The following HOOK3 variants were observed in gnomAD, a reference collection of about 807,000 sequenced individuals.
HOOK3 encodes protein Hook homolog 3.
Under a neutral mutation model 116.3 loss-of-function variants are expected in HOOK3, and 24 were observed. The observed-to-expected ratio is 0.21, with a 90% CI of 0.15 to 0.29. HOOK3 has a LOEUF of 0.29. Ranked by LOEUF, HOOK3 falls within the 10% of genes least tolerant of loss-of-function variation. The pLI, the probability that HOOK3 is intolerant of heterozygous loss-of-function variation, is 1.00. For missense variants in HOOK3, 632 were observed against 830.2 expected (o/e 0.76, Z 2.93); for synonymous variants, 275 against 283.0 (o/e 0.97, Z 0.28).
chr8:42,949,680 G>A (rs954069426), intron 5 of HOOK3, among the ~76,000 whole-genome samples: 2 of 152,168 alleles, frequency 1.3e-5, no homozygotes, highest in African/African-American at 4.8e-5. Flanking sequence ...AGCACTTTGG[G>A]AGGCCGAGGC....
chr8:42,977,342 T>A (rs975013960), intron 13 of HOOK3, among the ~76,000 whole-genome samples: 7 of 152,150 alleles, frequency 4.6e-5, no homozygotes, highest in African/African-American at 1.2e-4. Context: ...ACTCCCTGTC[T>A]TGCAAATACA....
intron 21 of HOOK3, among the ~76,000 whole-genome samples, chr8:43,014,047 G>A (rs1326037916): frequency 1.3e-5 from 2 of 151,978 alleles, no homozygotes; most frequent in Non-Finnish European, 2.9e-5. Flanking sequence ...CCAGCATTTT[G>A]GGAGGCCAGG....
At chr8:42,989,852 GT>G (rs1052697712) in intron 15 of HOOK3, among the ~76,000 whole-genome samples, 1 of 152,042 alleles carries the variant, frequency 6.6e-6, no homozygotes, top group African/African-American at 2.4e-5. Flanking sequence ...TTGTCTTCCT[GT>G]GCCTGTTATT....
intron 13 of HOOK3, among the ~76,000 whole-genome samples, chr8:42,979,965 CTTTT>C (rs1194992402): frequency 1.4e-5 from 2 of 138,662 alleles, no homozygotes; most frequent in Non-Finnish European, 3.2e-5. Flanking sequence ...TTTTTCTTTT[CTTTT>C]TTTTTTTTTT....
At chr8:42,946,740 ATCAT>A (rs963814178) in intron 5 of HOOK3, among the ~76,000 whole-genome samples, 7 of 135,332 alleles carry the variant, frequency 5.2e-5, no homozygotes, top group African/African-American at 1.9e-4. Context: ...TTCCTATTTT[ATCAT>A]ACCATTTTCT....
At chr8:42,970,562 A>G (rs1018720770) in intron 11 of HOOK3, among the ~76,000 whole-genome samples, 1 of 152,090 alleles carries the variant, frequency 6.6e-6, no homozygotes, top group Non-Finnish European at 1.5e-5. Flanking sequence ...GATTTTGTGC[A>G]TATTTCATTG....
chr8:42,994,598 T>C (rs1011266753), intron 15 of HOOK3: 2 of 177,394 alleles, frequency 1.1e-5, no homozygotes, highest in African/African-American at 4.8e-5. Context: ...TGAATTTCCA[T>C]GTGTTTGTAT....
rs76339778 is a variant in HOOK3 at position 42,939,132 on chromosome 8, C to T, written c.268-4181C>T. ...TGTCTACCTCTTTCTACACAGACAACGGCAACCATCTGATTTCTCACTCTT... is the reference window on the plus strand; with the variant it reads ...TGTCTACCTCTTTCTACACAGACAATGGCAACCATCTGATTTCTCACTCTT... On this transcript the variant is annotated intron_variant, in intron 4 of 21. Coordinates refer to ENST00000307602, the MANE Select transcript of HOOK3 (RefSeq NM_032410.4). Among the ~76,000 whole-genome samples the T allele has an allele frequency of 7.8e-3, 1,188 of 152,346 alleles. 50 individuals carry two copies. In the East Asian group the frequency reaches 0.14, roughly 18 times the overall value.
At chr8:42,915,833 A>G (rs930286124) in intron 2 of HOOK3, among the ~76,000 whole-genome samples, 1 of 152,136 alleles carries the variant, frequency 6.6e-6, no homozygotes, top group African/African-American at 2.4e-5. Flanking sequence ...CACTTCTAAA[A>G]TTTGGCTTCC....
chr8:42,962,080 T>C (rs1808544038), intron 8 of HOOK3, among the ~76,000 whole-genome samples: 1 of 151,204 alleles, frequency 6.6e-6, no homozygotes, highest in East Asian at 1.9e-4. Flanking sequence ...AGCCACCTCA[T>C]CTGGCTCATT....
chr8:42,997,158 T>C (rs1809294786), intron 15 of HOOK3, among the ~76,000 whole-genome samples: 1 of 152,210 alleles, frequency 6.6e-6, no homozygotes, highest in African/African-American at 2.4e-5. Context: ...TCCATCCACC[T>C]TGGCCTCCCA....
rs151198395 is a variant in HOOK3 at position 43,012,995 on chromosome 8, C to T, written c.1840-56C>T. 751 of 1,013,354 alleles carry T rather than the reference C, an allele frequency of 7.4e-4. 8 individuals carry two copies. The South Asian group carries it at 9.0e-3, about 12-fold the overall frequency. The allele number at this position is 1,013,354 out of a possible 1,614,324, so 62.8% of individuals were successfully genotyped here. A position where few individuals can be genotyped will look rare whatever the true frequency, so the allele number is the denominator to read the frequency against. ...AAAAAATAGTCATTCTTTTCTTAAA[C>T]GTTACATTCTTTAAGTTTGAGACTT... On this transcript the variant is annotated intron_variant, in intron 19 of 21. Transcript: ENST00000307602.
chr8:42,989,234 A>G (rs570996770), intron 15 of HOOK3, among the ~76,000 whole-genome samples: 3 of 152,260 alleles, frequency 2.0e-5, no homozygotes, highest in African/African-American at 7.2e-5. Context: ...TATAATCTCA[A>G]GCTCACCCTG....
chr8:42,959,445 G>A (rs1015558390), intron 8 of HOOK3, 131 bp downstream of exon 8: 17 of 599,384 alleles, frequency 2.8e-5, no homozygotes, highest in Admixed American at 2.2e-4. Flanking sequence ...ATGGCTGGGC[G>A]CAGTGGCTCA....
intron 2 of HOOK3, among the ~76,000 whole-genome samples, chr8:42,917,702 T>C (rs1445317677): frequency 1.3e-5 from 2 of 152,206 alleles, no homozygotes; most frequent in Admixed American, 6.5e-5. Flanking sequence ...GGTTTTTGTT[T>C]TCAAAGTTCG....
chr8:42,950,965 G>A (rs1424472408), intron 6 of HOOK3, among the ~76,000 whole-genome samples: 3 of 152,158 alleles, frequency 2.0e-5, no homozygotes, highest in African/African-American at 4.8e-5. Flanking sequence ...GATTACAGGC[G>A]TGAGCCATCA....
In HOOK3 at chr8:43,007,867, A is replaced by G. The variant is rs1247541012; in HGVS notation, c.1676A>G (p.Asn559Ser). 15 of 1,600,898 alleles carry G rather than the reference A, an allele frequency of 9.4e-6. No homozygotes were observed. Among genetic ancestry groups the G allele is most frequent in the Non-Finnish European group, 1.3e-5 (15 of 1,171,450 alleles). ...EEHLEKLHEA[N>S]NELQKKRAII... Reference sequence around the variant, plus strand: ...TACAGAGAGAAGCTGCATGAGGCCAATAATGAACTACAGAAGAAGAGAGCC... The same window carrying G: ...TACAGAGAGAAGCTGCATGAGGCCAGTAATGAACTACAGAAGAAGAGAGCC... The change falls in exon 18 of 22, where the codon AAT becomes AGT. Residue 559 changes from asparagine (N) to serine (S), a missense_variant. Physicochemically the swap from Asn to Ser is conservative, Grantham distance 46. Transcript: ENST00000307602.
In HOOK3 at chr8:42,901,706, A is replaced by G. The variant is rs192445847; in HGVS notation, c.58-4467A>G. ...TTAGCTTCCCTAAATCCCAAGAGAA[A>G]AAAACAAATCAAGTCTTTTTTTGGA... On this transcript the variant is annotated intron_variant, in intron 1 of 21. Transcript: ENST00000307602. Among the ~76,000 whole-genome samples, 603 of 152,310 alleles carry G rather than the reference A, an allele frequency of 4.0e-3. 2 individuals are homozygous for G. The highest frequency in any genetic ancestry group is 7.0e-3 in the Non-Finnish European group (473 of 68,020).
chr8:42,947,540 T>C (rs1237518106), intron 5 of HOOK3, among the ~76,000 whole-genome samples: 1 of 152,208 alleles, frequency 6.6e-6, no homozygotes, highest in Admixed American at 6.5e-5. Context: ...AACACCTAGA[T>C]TGAGTTTCCC....
Sources: gnomAD v4.1 joint callset for allele counts (sites outside exome capture counted in the v4.1 genomes callset) on GRCh38, gnomAD v4.1.1 for gene constraint, MANE v1.5 for transcripts, NCBI Gene and HGNC (gene_info 2026-07-23, HGNC 2026-07-21) for gene names.